RGL1: variants seen among roughly 807,000 people sequenced by gnomAD.
RGL1 encodes ral guanine nucleotide dissociation stimulator-like 1.
In RGL1, 24 loss-of-function variants were observed where a neutral mutation model predicts 95.2. That is an observed-to-expected ratio of 0.25 (90% CI 0.18 to 0.35). RGL1 has a LOEUF of 0.35. Among genes scored for constraint, RGL1 ranks in the 10% least tolerant of loss-of-function variants. The pLI is 1.00. For synonymous variants in RGL1, 329 were observed against 344.9 expected, an observed-to-expected ratio of 0.95 and a Z score of 0.51; for missense variants, 715 against 936.3, an observed-to-expected ratio of 0.76 and a Z score of 3.08.
At position 183,654,596 on chromosome 1, in the gene RGL1, C is replaced by T. The variant is rs74826777; in HGVS notation, c.-33+18095C>T. Among the ~76,000 whole-genome samples, 1,076 of 152,320 alleles carry T rather than the reference C, an allele frequency of 7.1e-3. 5 individuals are homozygous for T. Among genetic ancestry groups the T allele is most frequent in the Non-Finnish European group, 0.011 (747 of 68,030 alleles). The stretch of plus-strand genomic sequence containing the variant: ...GCTCAGTTCTGTAAGAAAGTATTAG[C>T]TGTCTGACAGGTTCCAGTGAGGGGA... On this transcript the variant is annotated intron_variant, in intron 1 of 18. Transcript: ENST00000304685.
intron 6 of RGL1, among the ~76,000 whole-genome samples, chr1:183,884,474 C>T (rs898142423): frequency 6.6e-6 from 1 of 152,178 alleles, no homozygotes; most frequent in Non-Finnish European, 1.5e-5. Flanking sequence ...GTGGCTTTAG[C>T]TCTTCTGCTT....
upstream of RGL1, among the ~76,000 whole-genome samples, chr1:183,804,448 T>C (rs773872563): frequency 4.6e-5 from 7 of 152,218 alleles, no homozygotes; most frequent in Non-Finnish European, 1.0e-4. Context: ...AACTTTTCCC[T>C]GTGGCTATGA....
intron 1 of RGL1, among the ~76,000 whole-genome samples, chr1:183,711,593 G>A (rs1437111317): frequency 6.6e-6 from 1 of 152,090 alleles, no homozygotes; most frequent in African/African-American, 2.4e-5. Context: ...GAGAGTCTAG[G>A]GGCCTTTAGT....
At chr1:183,682,115 C>G (rs1299522745) in intron 1 of RGL1, among the ~76,000 whole-genome samples, 1 of 152,134 alleles carries the variant, frequency 6.6e-6, no homozygotes, top group African/African-American at 2.4e-5. Flanking sequence ...TTTCAAAAAA[C>G]CAGCTCCTGG....
rs113417862 is a variant in RGL1, at chr1:183,872,970, C to T, written c.425+6897C>T. Among the ~76,000 whole-genome samples the T allele has an allele frequency of 4.5e-3, 687 of 152,132 alleles. 1 individual carries two copies. Among genetic ancestry groups the T allele is most frequent in the Non-Finnish European group, 7.6e-3 (517 of 67,992 alleles). ...GAAATGAAGAAGTGATATGCCATAT[C>T]GAAGAGTCTGGTATTGTCTTTAAAA... On this transcript the variant is annotated intron_variant, in intron 4 of 17. Transcript: ENST00000360851.
Position 183,897,912 on chromosome 1 carries a change from C to G in RGL1, c.1230+15C>G, listed in dbSNP as rs569931075. ...AGAAGGACATGGTATGTCTGGCCCT[C>G]GTCTTCCCTGACAGCTCACAGAGGA... On this transcript the variant is annotated intron_variant, in intron 10 of 17. Transcript: ENST00000360851. The G allele has an allele frequency of 1.5e-4, 239 of 1,608,222 alleles. 7 individuals carry two copies. The South Asian group carries it at 1.8e-3, about 12-fold the overall frequency.
intron 2 of RGL1, among the ~76,000 whole-genome samples, chr1:183,772,427 A>G (rs1394668336): frequency 6.6e-6 from 1 of 152,088 alleles, no homozygotes; most frequent in Non-Finnish European, 1.5e-5. Context: ...TTCCTATTTC[A>G]CTTTAAGCGG....
At chr1:183,780,219 G>A (rs1275439904) in intron 2 of RGL1, among the ~76,000 whole-genome samples, 1 of 152,152 alleles carries the variant, frequency 6.6e-6, no homozygotes, top group Non-Finnish European at 1.5e-5. Context: ...TTTTTCAGGA[G>A]CATGATAAAT....
At chr1:183,643,246 C>A (rs543672514) in intron 1 of RGL1, among the ~76,000 whole-genome samples, 19 of 148,906 alleles carry the variant, frequency 1.3e-4, no homozygotes, top group African/African-American at 4.3e-4. Context: ...AGAACTATCT[C>A]TTTGAGGTCC....
intron 2 of RGL1, among the ~76,000 whole-genome samples, chr1:183,795,166 G>A (rs1487292997): frequency 6.6e-6 from 1 of 152,132 alleles, no homozygotes; most frequent in Non-Finnish European, 1.5e-5. Context: ...ACCATGTCCA[G>A]CCACACTTAC....
At chr1:183,730,531 T>C (rs1656571848) in intron 1 of RGL1, among the ~76,000 whole-genome samples, 1 of 152,170 alleles carries the variant, frequency 6.6e-6, no homozygotes, top group Non-Finnish European at 1.5e-5. Flanking sequence ...ATGTACTGCT[T>C]GAATGTATCT....
chr1:183,762,226 A>T (rs1658706849), intron 2 of RGL1, among the ~76,000 whole-genome samples: 1 of 152,202 alleles, frequency 6.6e-6, no homozygotes, highest in Non-Finnish European at 1.5e-5. Context: ...TCAGCTTTTG[A>T]CATGCCTTCC....
At chr1:183,719,811 CAGG>C (rs1280247364) in intron 1 of RGL1, among the ~76,000 whole-genome samples, 1 of 152,016 alleles carries the variant, frequency 6.6e-6, no homozygotes, top group Non-Finnish European at 1.5e-5. Context: ...GGGGCTGAGG[CAGG>C]AGAATTGCTT....
At chr1:183,787,389 G>A (rs1325013417) in intron 2 of RGL1, among the ~76,000 whole-genome samples, 2 of 152,084 alleles carry the variant, frequency 1.3e-5, no homozygotes, top group African/African-American at 4.8e-5. Context: ...TTCTAAAGTT[G>A]TCTTTTTTCC....
intron 15 of RGL1, among the ~76,000 whole-genome samples, chr1:183,914,643 T>A (rs1668854856): frequency 6.6e-6 from 1 of 152,202 alleles, no homozygotes; most frequent in African/African-American, 2.4e-5. Context: ...TTTGCATTCC[T>A]TTCTTCATTC....
At chr1:183,682,503 C>T (rs375878177) in intron 1 of RGL1, among the ~76,000 whole-genome samples, 1 of 152,112 alleles carries the variant, frequency 6.6e-6, no homozygotes, top group African/African-American at 2.4e-5. Flanking sequence ...ATCCTGAGTT[C>T]TAATTTGATT....
chr1:183,651,997 C>T (rs6682557), intron 1 of RGL1, among the ~76,000 whole-genome samples: 1,577 of 152,234 alleles, frequency 0.01, 31 homozygotes, highest in African/African-American at 0.036. Context: ...GGTGGTACAC[C>T]GGACATCCAG....
At position 183,708,465 on chromosome 1, in the gene RGL1, T is replaced by C. The variant is rs141081595; in HGVS notation, c.-32-33661T>C. ...CCTCACCCAGTCTTATGAACTAACC[T>C]GGCATGACCTCTATGTTATCCTCTC... On this transcript the variant is annotated intron_variant, in intron 1 of 18. Transcript: ENST00000304685. Among the ~76,000 whole-genome samples the C allele has an allele frequency of 1.8e-3, 268 of 152,316 alleles. 1 individual carries two copies. The highest frequency in any genetic ancestry group is 5.6e-3 in the African/African-American group (234 of 41,568).
At chr1:183,821,055 C>T (rs1174138245) in intron 2 of RGL1, among the ~76,000 whole-genome samples, 1 of 152,032 alleles carries the variant, frequency 6.6e-6, no homozygotes, top group Non-Finnish European at 1.5e-5. Context: ...ATTGCTTGTA[C>T]CCAAGAGGCA....
Sources: gnomAD v4.1 joint callset for allele counts (sites outside exome capture counted in the v4.1 genomes callset) on GRCh38, gnomAD v4.1.1 for gene constraint, MANE v1.5 for transcripts, NCBI Gene and HGNC (gene_info 2026-07-23, HGNC 2026-07-21) for gene names.